Variants in EXOC6B observed in about 807,000 individuals in gnomAD.
The protein encoded by EXOC6B is SEC15 homolog B.
A neutral mutation model predicts 113.5 loss-of-function variants in EXOC6B; 54 were observed. The ratio of observed to expected loss-of-function variants is 0.48; its 90% CI spans 0.38 to 0.60. EXOC6B has a LOEUF of 0.60. Among genes scored for constraint, EXOC6B ranks in the 20% least tolerant of loss-of-function variants. EXOC6B has a pLI of 0.00. For synonymous variants in EXOC6B, 357 were observed against 339.0 expected, an observed-to-expected ratio of 1.05 and a Z score of -0.58; for missense variants, 797 against 977.5, an observed-to-expected ratio of 0.82 and a Z score of 2.46.
chr2:72,339,047 G>C (rs1688872790), intron 19 of EXOC6B, among the ~76,000 whole-genome samples: 1 of 151,884 alleles, frequency 6.6e-6, no homozygotes, highest in South Asian at 2.1e-4. Flanking sequence ...ATTTGTTCAA[G>C]ATTTAGCATT....
intron 20 of EXOC6B, among the ~76,000 whole-genome samples, chr2:72,319,477 T>C (rs1350989802): frequency 6.6e-6 from 1 of 152,182 alleles, no homozygotes; most frequent in East Asian, 1.9e-4. Context: ...GATGCTGTAA[T>C]TGTCCACCTA....
chr2:72,693,409 A>C (rs1394570571), intron 6 of EXOC6B, among the ~76,000 whole-genome samples: 1 of 152,100 alleles, frequency 6.6e-6, no homozygotes, highest in Non-Finnish European at 1.5e-5. Context: ...GCATGTTCTG[A>C]ATAATAAAAC....
chr2:72,407,548 G>C lies in EXOC6B; in HGVS notation c.1981-27678C>G, dbSNP rs538333155. On this transcript the variant is annotated intron_variant, in intron 18 of 21. Transcript: ENST00000272427. ...AGTGGGCTTCATCCCTGGGATGCAA[G>C]GCTGGTTCAACATATGCAAATCAAT... Among the ~76,000 whole-genome samples, 11 of 152,270 alleles carry C rather than the reference G, an allele frequency of 7.2e-5. No homozygotes were observed. In the East Asian group the frequency reaches 2.1e-3, roughly 29 times the overall value.
At chr2:72,625,353 G>A (rs1671991124) in intron 6 of EXOC6B, among the ~76,000 whole-genome samples, 1 of 151,908 alleles carries the variant, frequency 6.6e-6, no homozygotes, top group Non-Finnish European at 1.5e-5. Flanking sequence ...AAATGAAACT[G>A]AAATAGTCTT....
rs541910897 is a variant in EXOC6B at position 72,767,895 on chromosome 2, C to A, written c.114-26426G>T. Reference sequence around the variant, plus strand: ...CTTTGGGAGGCCGAGGCAGGCGGATCGCCTGAGGTCAGGAGTTCAAGACCA... The same window carrying A: ...CTTTGGGAGGCCGAGGCAGGCGGATAGCCTGAGGTCAGGAGTTCAAGACCA... On this transcript the variant is annotated intron_variant, in intron 1 of 21. Coordinates refer to ENST00000272427, the MANE Select transcript of EXOC6B (RefSeq NM_015189.3). Among the ~76,000 whole-genome samples, 579 of 145,184 alleles carry A rather than the reference C, an allele frequency of 4.0e-3. 7 individuals carry two copies. Among genetic ancestry groups the A allele is most frequent in the Non-Finnish European group, 5.5e-3 (369 of 66,618 alleles).
intron 8 of EXOC6B, among the ~76,000 whole-genome samples, chr2:72,528,022 G>A (rs1558764566): frequency 6.6e-6 from 1 of 151,842 alleles, no homozygotes; most frequent in Non-Finnish European, 1.5e-5. Context: ...AGAGTCTTCT[G>A]TAGAGTAAAA....
intron 20 of EXOC6B, among the ~76,000 whole-genome samples, chr2:72,213,784 T>C (rs181761274): frequency 6.6e-6 from 1 of 152,226 alleles, no homozygotes; most frequent in Non-Finnish European, 1.5e-5. Flanking sequence ...AGAAACCTCT[T>C]ACCCCTTCCA....
chr2:72,465,036 C>G (rs897875656), intron 18 of EXOC6B, 124 bp downstream of exon 18: 2 of 734,572 alleles, frequency 2.7e-6, no homozygotes, highest in Admixed American at 5.1e-5. Context: ...ATAAATATAG[C>G]ATGCGCCTTT....
At position 72,569,528 on chromosome 2, in the gene EXOC6B, T is replaced by C. The variant is rs527406962; in HGVS notation, c.846+5964A>G. ...AAACTAAATTAGAAATCTAGATTTT[T>C]ATGTGAATCTAATTGACCTGCAGAA... On this transcript the variant is annotated intron_variant, in intron 7 of 21. Coordinates refer to ENST00000272427, the MANE Select transcript of EXOC6B (RefSeq NM_015189.3). Among the ~76,000 whole-genome samples, 24 of 152,248 alleles carry C rather than the reference T, an allele frequency of 1.6e-4. No individual in the cohort carries two copies. The East Asian group carries it at 4.6e-3, about 29-fold the overall frequency.
chr2:72,247,721 T>C (rs921964819), intron 20 of EXOC6B, among the ~76,000 whole-genome samples: 6 of 152,162 alleles, frequency 3.9e-5, no homozygotes, highest in African/African-American at 1.4e-4. Flanking sequence ...AATGGGAAAT[T>C]TGCAAATTTT....
chr2:72,545,950 T>A (rs1702875533), intron 8 of EXOC6B, among the ~76,000 whole-genome samples: 1 of 152,198 alleles, frequency 6.6e-6, no homozygotes, highest in African/African-American at 2.4e-5. Flanking sequence ...CTTATGTCTG[T>A]CTGTTCCTTT....
At chr2:72,753,739 A>T (rs1402789843) in intron 1 of EXOC6B, among the ~76,000 whole-genome samples, 1 of 152,038 alleles carries the variant, frequency 6.6e-6, no homozygotes, top group Non-Finnish European at 1.5e-5. Context: ...TACTCCCCAC[A>T]TTCACTCTAC....
At chr2:72,392,683 C>T (rs772571104) in intron 18 of EXOC6B, among the ~76,000 whole-genome samples, 26 of 152,298 alleles carry the variant, frequency 1.7e-4, no homozygotes, top group Admixed American at 4.6e-4. Flanking sequence ...TATAGAGAGA[C>T]TAGATTATCT....
intron 1 of EXOC6B, among the ~76,000 whole-genome samples, chr2:72,819,588 A>C (rs1016607467): frequency 2.6e-5 from 4 of 152,222 alleles, no homozygotes; most frequent in Non-Finnish European, 5.9e-5. Flanking sequence ...GACCAGGAAA[A>C]GGAAACAAAA....
At chr2:72,518,182 A>G (rs1367796557) in intron 8 of EXOC6B, among the ~76,000 whole-genome samples, 2 of 152,326 alleles carry the variant, frequency 1.3e-5, no homozygotes, top group East Asian at 1.9e-4. Context: ...AGCTCTTTCA[A>G]TCATTAACAT....
At chr2:72,641,750 A>C (rs1673257810) in intron 6 of EXOC6B, among the ~76,000 whole-genome samples, 1 of 152,244 alleles carries the variant, frequency 6.6e-6, no homozygotes. Flanking sequence ...GAACAGACAG[A>C]CTGCCTCCTC....
rs148128472 is a variant in EXOC6B, at chr2:72,444,295, C to T, written c.1980+20865G>A. On this transcript the variant is annotated intron_variant, in intron 18 of 21. Transcript: ENST00000272427. The stretch of plus-strand genomic sequence containing the variant: ...TTCCCATTATCTTAGGCAGCTCTGC[C>T]CCTGTGGCTTTGCAGAGTACAGTGT... Among the ~76,000 whole-genome samples the T allele has an allele frequency of 1.3e-3, 204 of 152,302 alleles. 2 individuals carry two copies. The highest frequency in any genetic ancestry group is 4.5e-3 in the African/African-American group (186 of 41,558).
At chr2:72,802,546 C>T (rs1685346586) in intron 1 of EXOC6B, among the ~76,000 whole-genome samples, 1 of 151,624 alleles carries the variant, frequency 6.6e-6, no homozygotes, top group Admixed American at 6.6e-5. Context: ...AAATGTTTAC[C>T]AAAACATTTA....
chr2:72,283,893 C>A (rs776716292), intron 20 of EXOC6B, among the ~76,000 whole-genome samples: 4 of 152,010 alleles, frequency 2.6e-5, no homozygotes, highest in East Asian at 1.9e-4. Context: ...TTAAATGGAT[C>A]AATTGCGTGA....
Sources: gnomAD v4.1 joint callset for allele counts (sites outside exome capture counted in the v4.1 genomes callset) on GRCh38, gnomAD v4.1.1 for gene constraint, MANE v1.5 for transcripts, NCBI Gene and HGNC (gene_info 2026-07-23, HGNC 2026-07-21) for gene names.